UBAC2: variants seen among roughly 807,000 people sequenced by gnomAD.
UBAC2 encodes ubiquitin-associated domain-containing protein 2.
In UBAC2, 26 loss-of-function variants were observed where a neutral mutation model predicts 44.0. That is an observed-to-expected ratio of 0.59 (90% CI 0.43 to 0.82). UBAC2 has a LOEUF of 0.82. Among genes scored for constraint, UBAC2 ranks in the 40% least tolerant of loss-of-function variants. The pLI is 0.00. For missense variants in UBAC2, 329 were observed against 419.4 expected (o/e 0.78, Z 1.88); for synonymous variants, 155 against 154.3 (o/e 1.00, Z -0.04).
rs769097676 is a variant in UBAC2, at chr13:99,255,246, G to C, written c.389+10622G>C. On this transcript the variant is annotated intron_variant, in intron 4 of 8. Coordinates refer to ENST00000403766, the MANE Select transcript of UBAC2 (RefSeq NM_001144072.2). Reference sequence around the variant, plus strand: ...TGCCGTGAAGGAGATTATGAATAATGACCAAGTAGCACCCAATCATGATGA... The same window carrying C: ...TGCCGTGAAGGAGATTATGAATAATCACCAAGTAGCACCCAATCATGATGA... 3.7e-6 allele frequency: 6 copies of C among 1,613,890 alleles called. No homozygotes were observed. In the South Asian group the frequency reaches 5.5e-5, roughly 15 times the overall value.
intron 1 of UBAC2, chr13:99,215,275 T>A (rs1243243458): frequency 2.9e-6 from 2 of 696,662 alleles, no homozygotes; most frequent in African/African-American, 3.6e-5. Flanking sequence ...AAGACAAAAT[T>A]GTGTTTTTCA....
chr13:99,373,549 T>C (rs2892975), intron 8 of UBAC2, among the ~76,000 whole-genome samples: 38,255 of 152,112 alleles, frequency 0.25, 6,007 homozygotes, highest in Non-Finnish European at 0.35. Flanking sequence ...TGTCCTGCCC[T>C]GAGGAGCTGT....
At chr13:99,270,498 G>A (rs967208886) in intron 4 of UBAC2, among the ~76,000 whole-genome samples, 1 of 152,202 alleles carries the variant, frequency 6.6e-6, no homozygotes, top group South Asian at 2.1e-4. Context: ...CACAGATCAA[G>A]TGTTAGATTT....
At chr13:99,320,700 A>G (rs2044556352) in intron 6 of UBAC2, among the ~76,000 whole-genome samples, 1 of 152,178 alleles carries the variant, frequency 6.6e-6, no homozygotes, top group African/African-American at 2.4e-5. Flanking sequence ...CTTTGTCTAG[A>G]AAATTCTCAT....
intron 7 of UBAC2, among the ~76,000 whole-genome samples, chr13:99,359,208 C>G (rs1049029830): frequency 6.6e-6 from 1 of 152,142 alleles, no homozygotes; most frequent in African/African-American, 2.4e-5. Flanking sequence ...TGCCAGAAGG[C>G]AGGTCACAGA....
At chr13:99,333,960 A>C (rs1002769469) in intron 6 of UBAC2, among the ~76,000 whole-genome samples, 4 of 152,132 alleles carry the variant, frequency 2.6e-5, no homozygotes, top group Non-Finnish European at 4.4e-5. Context: ...TGATTTAAAA[A>C]AAATTAGCAA....
chr13:99,320,604 T>G (rs749349858), intron 6 of UBAC2, among the ~76,000 whole-genome samples: 5 of 152,234 alleles, frequency 3.3e-5, no homozygotes, highest in Non-Finnish European at 7.3e-5. Context: ...TTAAAATAAT[T>G]AATATTCATG....
intron 7 of UBAC2, among the ~76,000 whole-genome samples, chr13:99,347,285 T>A (rs1594153233): frequency 1.5e-5 from 2 of 137,498 alleles, no homozygotes; most frequent in Middle Eastern, 9.4e-3. Context: ...AGTAGGTGTT[T>A]CAGGAACAGA....
chr13:99,322,510 T>G lies in UBAC2; in HGVS notation c.561+4441T>G, dbSNP rs2044581514. Reference sequence around the variant, plus strand: ...CTTTTTACAGTTCACACATTTATCTTTACTTGACCCTCTTTTAAGCTGTTT... The same window carrying G: ...CTTTTTACAGTTCACACATTTATCTGTACTTGACCCTCTTTTAAGCTGTTT... On this transcript the variant is annotated intron_variant, in intron 6 of 8. Transcript: ENST00000403766. Among the ~76,000 whole-genome samples, 4 of 152,234 alleles carry G rather than the reference T, an allele frequency of 2.6e-5. No homozygotes were observed. The South Asian group carries it at 8.3e-4, about 32-fold the overall frequency.
chr13:99,234,760 C>CA (rs1438122319), intron 1 of UBAC2, among the ~76,000 whole-genome samples: 1 of 152,044 alleles, frequency 6.6e-6, no homozygotes, highest in Non-Finnish European at 1.5e-5. Flanking sequence ...CATGAAAACA[C>CA]AAAGGTGGAA....
chr13:99,235,524 A>G (rs771056369), intron 1 of UBAC2, among the ~76,000 whole-genome samples: 20 of 152,244 alleles, frequency 1.3e-4, no homozygotes, highest in Admixed American at 6.5e-5. Context: ...CCTGACTTCA[A>G]AATATACTAC....
chr13:99,208,691 G>T (rs1258221518), intron 1 of UBAC2, among the ~76,000 whole-genome samples: 5 of 152,204 alleles, frequency 3.3e-5, no homozygotes, highest in Non-Finnish European at 5.9e-5. Flanking sequence ...CTGTCCCTCA[G>T]ATTTCTTGTG....
At position 99,349,473 on chromosome 13, in the gene UBAC2, G is replaced by A. The variant is rs747218813; in HGVS notation, c.807+8908G>A. Among the ~76,000 whole-genome samples the A allele has an allele frequency of 7.2e-5, 11 of 152,146 alleles. No homozygotes were observed. The East Asian group carries it at 1.5e-3, about 21-fold the overall frequency. ...CGAGGGACCACTGCCATCAAGATGC[G>A]GAGACCAGTAGTGGCCCTGAACGGC... On this transcript the variant is annotated intron_variant, in intron 7 of 8. Transcript: ENST00000403766.
At chr13:99,318,416 C>T (rs1327318307) in intron 6 of UBAC2, among the ~76,000 whole-genome samples, 2 of 151,668 alleles carry the variant, frequency 1.3e-5, no homozygotes, top group Non-Finnish European at 2.9e-5. Context: ...TTCTGCCCGC[C>T]TCAGCCTCCC....
intron 4 of UBAC2, among the ~76,000 whole-genome samples, chr13:99,262,037 A>G (rs990204559): frequency 1.3e-5 from 2 of 152,140 alleles, no homozygotes; most frequent in African/African-American, 4.8e-5. Context: ...GAAATCTCTC[A>G]CTGTCCCGCT....
At chr13:99,255,172 A>G (rs750387704) in intron 4 of UBAC2, 1 of 1,614,172 alleles carries the variant, frequency 6.2e-7, no homozygotes, top group Non-Finnish European at 8.5e-7. Flanking sequence ...CAGCGTGATG[A>G]TGATCCTTAT....
At chr13:99,366,792 C>T (rs1036759549) in intron 7 of UBAC2, among the ~76,000 whole-genome samples, 2 of 152,100 alleles carry the variant, frequency 1.3e-5, no homozygotes, top group Non-Finnish European at 2.9e-5. Context: ...GGCCTCTGCT[C>T]CCCCGTCTCC....
intron 5 of UBAC2, among the ~76,000 whole-genome samples, chr13:99,317,426 A>C (rs979803417): frequency 2.6e-5 from 4 of 152,192 alleles, no homozygotes; most frequent in African/African-American, 9.7e-5. Flanking sequence ...ATTTCATGAG[A>C]TCTAATTCTA....
At chr13:99,379,775 C>T (rs924298799) in intron 8 of UBAC2, among the ~76,000 whole-genome samples, 2 of 152,250 alleles carry the variant, frequency 1.3e-5, no homozygotes, top group Non-Finnish European at 2.9e-5. Context: ...CACACTTACA[C>T]TGCTCTCCAC....
Sources: gnomAD v4.1 joint callset for allele counts (sites outside exome capture counted in the v4.1 genomes callset) on GRCh38, gnomAD v4.1.1 for gene constraint, MANE v1.5 for transcripts, NCBI Gene and HGNC (gene_info 2026-07-23, HGNC 2026-07-21) for gene names.